Variants in KIF20B observed in about 807,000 individuals in gnomAD.
KIF20B encodes kinesin family member 20B.
KIF20B carries 188 observed loss-of-function variants against 232.5 expected under a neutral mutation model. That is an observed-to-expected ratio of 0.81 (90% CI 0.72 to 0.91). The LOEUF is 0.91. KIF20B is among the 40% of genes least tolerant of loss of function. The probability of loss-of-function intolerance (pLI) is 0.00; values close to 1 mark genes in which losing one functional copy is unlikely to be tolerated. For synonymous variants in KIF20B, 712 were observed against 683.0 expected (o/e 1.04, Z -0.66); for missense variants, 2,154 against 2,055.9 (o/e 1.05, Z -0.92).
chr10:89,705,903 A>G (rs935375928), intron 2 of KIF20B, among the ~76,000 whole-genome samples: 2 of 152,198 alleles, frequency 1.3e-5, no homozygotes, highest in Non-Finnish European at 2.9e-5. Context: ...TTGTGCAGAT[A>G]TGCCACATTT....
chr10:89,736,849 C>T (rs1841664405), intron 19 of KIF20B, among the ~76,000 whole-genome samples: 1 of 152,232 alleles, frequency 6.6e-6, no homozygotes, highest in South Asian at 2.1e-4. Flanking sequence ...TTAATGGTTA[C>T]AGCTAGTAAG....
At position 89,738,161 on chromosome 10, in the gene KIF20B, A is replaced by G. The variant is rs1589867511; in HGVS notation, c.3320A>G (p.His1107Arg). The change falls in exon 20 of 33, where the codon CAT becomes CGT. Residue 1107 changes from histidine (H) to arginine (R), a missense_variant. By Grantham distance (29) the His-to-Arg change is conservative (BLOSUM62 0). Transcript: ENST00000371728. ...DENNRLKEKE[H>R]KNQDDLLKEK... is the part of the protein sequence containing the mutation. ...AACAATAGACTAAAGGAGAAGGAGC[A>G]TAAAAACCAAGATGACCTACTAAAA... 1 of 1,608,794 alleles carries G rather than the reference A, an allele frequency of 6.2e-7. No homozygotes were observed. The highest frequency in any genetic ancestry group is 1.3e-5 in the African/African-American group (1 of 74,850).
chr10:89,725,955 T>C (rs893903513), intron 15 of KIF20B, among the ~76,000 whole-genome samples: 2 of 152,180 alleles, frequency 1.3e-5, no homozygotes, highest in African/African-American at 4.8e-5. Context: ...GTTGTGAAAA[T>C]GTAGGTTTGT....
In KIF20B at chr10:89,711,086, T is replaced by C. The variant is rs1207349056; in HGVS notation, c.616T>C (p.Ser206Pro). 8 of 1,594,624 alleles carry C rather than the reference T, an allele frequency of 5.0e-6. No individual in the cohort carries two copies. Among genetic ancestry groups the C allele is most frequent in the Non-Finnish European group, 6.8e-6 (8 of 1,169,456 alleles). ...ATCCAGAGAATACTTAAGGTTATCA[T>C]CAGAACAAGAGAAAGAAGAAATTGC... ...HRSREYLRLS[S>P]EQEKEEIASK... Residue 206 changes from serine to proline, a missense_variant, in exon 6 of 33, where the codon TCA (serine) becomes CCA (proline). Physicochemically the swap from Ser to Pro is moderately conservative, Grantham distance 74 (BLOSUM62 -1). Transcript: ENST00000371728.
intron 18 of KIF20B, among the ~76,000 whole-genome samples, chr10:89,729,528 A>G (rs1843272598): frequency 6.6e-6 from 1 of 152,248 alleles, no homozygotes; most frequent in Non-Finnish European, 1.5e-5. Flanking sequence ...TTTAAGCCTC[A>G]GCTAGTTGGA....
Position 89,737,794 on chromosome 10 carries a change from A to G in KIF20B, c.2953A>G (p.Met985Val), listed in dbSNP as rs573380739. The G allele has an allele frequency of 1.1e-5, 17 of 1,612,866 alleles. No individual in the cohort carries two copies. In the East Asian group the frequency reaches 3.8e-4, roughly 36 times the overall value. The change falls in exon 20 of 33, where the codon ATG (methionine) becomes GTG (valine). Residue 985 changes from methionine (M) to valine (V), a missense_variant. Transcript: ENST00000371728. ...AAATAATGTTTCACAAATAAAATTA[A>G]TGCACACGAAAATAGACGAACTACG... ...ITNNVSQIKLMHTKIDELRTL... is the reference protein window; with the variant it reads ...ITNNVSQIKLVHTKIDELRTL...
Position 89,727,141 on chromosome 10 carries a change from C to G in KIF20B, c.2230+620C>G, listed in dbSNP as rs567439335. On this transcript the variant is annotated intron_variant, in intron 16 of 32. Coordinates refer to ENST00000371728, the MANE Select transcript of KIF20B (RefSeq NM_001284259.2). ...GTTCTATATTCTTTATAAATTCTTG[C>G]AGTATAGAAGATTCACTGTTGGGAT... Among the ~76,000 whole-genome samples, 8 of 152,140 alleles carry G rather than the reference C, an allele frequency of 5.3e-5. No homozygotes were observed. The South Asian group carries it at 1.5e-3, about 28-fold the overall frequency.
intron 29 of KIF20B, among the ~76,000 whole-genome samples, chr10:89,764,624 A>C (rs1023522363): frequency 2.2e-4 from 33 of 152,086 alleles, no homozygotes; most frequent in Admixed American, 3.9e-4. Flanking sequence ...TGTGGTTTTG[A>C]TTTGCATTTC....
chr10:89,726,449 A>C lies in KIF20B; in HGVS notation c.2158A>C (p.Ile720Leu), dbSNP rs774526818. Reference sequence around the variant, plus strand: ...TTGTTTAGAACTAAAGTTTAATCAAATTAAAGCTGAATTAGCTAAAACCAA... The same window carrying C: ...TTGTTTAGAACTAAAGTTTAATCAACTTAAAGCTGAATTAGCTAAAACCAA... ...TACLELKFNQ[I>L]KAELAKTKGE... The change falls in exon 16 of 33, where the codon ATT (isoleucine) becomes CTT (leucine). Residue 720 changes from isoleucine (I) to leucine (L), a missense_variant. Transcript: ENST00000371728. 2 of 1,607,448 alleles carry C rather than the reference A, an allele frequency of 1.2e-6. No individual in the cohort carries two copies. The highest frequency in any genetic ancestry group is 2.2e-5 in the South Asian group (2 of 89,940).
intron 31 of KIF20B, among the ~76,000 whole-genome samples, chr10:89,769,267 G>T (rs1842422686): frequency 6.6e-6 from 1 of 151,980 alleles, no homozygotes; most frequent in Non-Finnish European, 1.5e-5. Flanking sequence ...ACTCTCTAGG[G>T]TGTCCAAGGG....
At chr10:89,753,686 T>C (rs1842065229) in intron 25 of KIF20B, among the ~76,000 whole-genome samples, 2 of 152,170 alleles carry the variant, frequency 1.3e-5, no homozygotes, top group South Asian at 4.1e-4. Flanking sequence ...AGTGACGTGA[T>C]CTCGGCTCAC....
rs1842961153 is a variant in KIF20B, at chr10:89,717,613, A to G, written c.1162A>G (p.Met388Val). ...LCDLAGSERT[M>V]KTQNEGERLR... is the part of the protein sequence containing the mutation. ...TGATCTTGCTGGTTCAGAACGAACT[A>G]TGAAGACACAGAATGAAGGTGAAAG... The change falls in exon 11 of 33, where the codon ATG becomes GTG. Residue 388 changes from methionine (M) to valine (V), a missense_variant. By Grantham distance (21) the Met-to-Val change is conservative. Coordinates refer to ENST00000371728, the MANE Select transcript of KIF20B (RefSeq NM_001284259.2). The G allele has an allele frequency of 4.3e-6, 7 of 1,611,940 alleles. No individual in the cohort carries two copies. In the Admixed American group the frequency reaches 5.0e-5, roughly 12 times the overall value.
chr10:89,732,827 T>C, intron 18 of KIF20B, 76 bp from the exon 19 acceptor site: 1 of 1,290,660 alleles, frequency 7.7e-7, no homozygotes, highest in East Asian at 2.6e-5. Flanking sequence ...GGTACACCAT[T>C]GAAAGTAATT....
At chr10:89,768,937 T>C in intron 31 of KIF20B, 49 bp downstream of exon 31, 2 of 1,437,830 alleles carry the variant, frequency 1.4e-6, no homozygotes, top group South Asian at 2.6e-5. Flanking sequence ...ATGTTGGGTA[T>C]ATTTTAATAC....
rs774975907 is a variant in KIF20B, at chr10:89,774,072, T to TA, written c.*27dup. On this transcript the variant is annotated 3_prime_UTR_variant, in exon 33 of 33. Transcript: ENST00000371728. ...AAATCACTTATGGAAATGTTTAATA[T>TA]AAATTTTATAGTCATAGTCATTGGA... The TA allele has an allele frequency of 4.8e-6, 7 of 1,456,742 alleles. No individual in the cohort carries two copies. The highest frequency in any genetic ancestry group is 6.6e-6 in the Non-Finnish European group (7 of 1,058,482). The allele number at this position is 1,456,742 out of a possible 1,614,324, so 90.2% of individuals were successfully genotyped here. A position where few individuals can be genotyped will look rare whatever the true frequency, so the allele number is the denominator to read the frequency against.
rs1176079556 is a variant in KIF20B, at chr10:89,737,536, A to C, written c.2695A>C (p.Lys899Gln). Residue 899 changes from lysine to glutamine, a missense_variant, in exon 20 of 33, where the codon AAA becomes CAA. Coordinates refer to ENST00000371728, the MANE Select transcript of KIF20B (RefSeq NM_001284259.2). ...AFLLTIENEL[K>Q]NEKEEKAELN... ...TTTACTCACTATTGAGAATGAACTT[A>C]AAAATGAAAAGGAAGAAAAAGCAGA... 1 of 1,608,114 alleles carries C rather than the reference A, an allele frequency of 6.2e-7. No homozygotes were observed. The highest frequency in any genetic ancestry group is 8.5e-7 in the Non-Finnish European group (1 of 1,177,324).
chr10:89,771,362 A>G (rs947759999), intron 31 of KIF20B, among the ~76,000 whole-genome samples: 4 of 152,134 alleles, frequency 2.6e-5, no homozygotes, highest in African/African-American at 9.6e-5. Flanking sequence ...TGGCTAGCAC[A>G]TAGTAGTGAT....
chr10:89,727,435 A>G (rs539004458), intron 16 of KIF20B, among the ~76,000 whole-genome samples: 20 of 152,240 alleles, frequency 1.3e-4, no homozygotes, highest in African/African-American at 4.8e-4. Flanking sequence ...TATATACATA[A>G]ATAGAATTGT....
chr10:89,719,943 T>C (rs542877832), intron 13 of KIF20B, among the ~76,000 whole-genome samples: 44 of 152,320 alleles, frequency 2.9e-4, no homozygotes, highest in African/African-American at 1.1e-3. Flanking sequence ...TCTTTTGGTC[T>C]GTACAATTTG....
Sources: gnomAD v4.1 joint callset for allele counts (sites outside exome capture counted in the v4.1 genomes callset) on GRCh38, gnomAD v4.1.1 for gene constraint, MANE v1.5 for transcripts, NCBI Gene and HGNC (gene_info 2026-07-23, HGNC 2026-07-21) for gene names.